EPHA6: variants seen among roughly 807,000 people sequenced by gnomAD.
EPHA6 encodes EPH receptor A6.
EPHA6 carries 50 observed loss-of-function variants against 112.0 expected under a neutral mutation model. That is an observed-to-expected ratio of 0.45 (90% CI 0.36 to 0.56). EPHA6 has a LOEUF of 0.56. Among genes scored for constraint, EPHA6 ranks in the 20% least tolerant of loss-of-function variants. The pLI is 0.00. For synonymous variants in EPHA6, 529 were observed against 490.7 expected (o/e 1.08, Z -1.03); for missense variants, 1,280 against 1,417.4 (o/e 0.90, Z 1.56).
At chr3:96,819,406 C>G (rs1028339533) in intron 1 of EPHA6, among the ~76,000 whole-genome samples, 3 of 152,000 alleles carry the variant, frequency 2.0e-5, no homozygotes, top group Admixed American at 2.0e-4. Context: ...CTCTACCAAC[C>G]CTTTTTCCCT....
At chr3:97,333,455 CTG>C (rs2082899736) in intron 5 of EPHA6, among the ~76,000 whole-genome samples, 1 of 135,918 alleles carries the variant, frequency 7.4e-6, no homozygotes, top group Non-Finnish European at 1.6e-5. Flanking sequence ...CCTTTACACT[CTG>C]TATGGCTTTT....
chr3:97,090,095 C>T (rs1159012377), intron 3 of EPHA6, among the ~76,000 whole-genome samples: 1 of 151,770 alleles, frequency 6.6e-6, no homozygotes, highest in African/African-American at 2.4e-5. Flanking sequence ...CATATCATAT[C>T]GAGGGCCTTT....
At chr3:97,228,200 G>A (rs1413182647) in intron 4 of EPHA6, among the ~76,000 whole-genome samples, 1 of 152,092 alleles carries the variant, frequency 6.6e-6, no homozygotes, top group Non-Finnish European at 1.5e-5. Context: ...TTGGGGAACA[G>A]GTGGTGTTTG....
At chr3:97,284,467 CTG>C (rs1318783286) in intron 5 of EPHA6, among the ~76,000 whole-genome samples, 3 of 152,068 alleles carry the variant, frequency 2.0e-5, no homozygotes, top group African/African-American at 7.2e-5. Context: ...TTTCATTTAC[CTG>C]TGAGTCCGAG....
At chr3:97,388,652 T>C (rs1378977365) in intron 5 of EPHA6, among the ~76,000 whole-genome samples, 3 of 152,156 alleles carry the variant, frequency 2.0e-5, no homozygotes, top group Non-Finnish European at 2.9e-5. Context: ...TGGGAGGCAA[T>C]CTTCCTCGGC....
rs10559270 is a variant in EPHA6, at chr3:97,754,084, C to CTT, written c.*5403_*5404dup. 8.1e-4 allele frequency among the ~76,000 whole-genome samples: 83 copies of CTT among 102,048 alleles called. No individual in the cohort carries two copies. Among genetic ancestry groups the CTT allele is most frequent in the South Asian group, 1.1e-3 (3 of 2,798 alleles). 66.9% of individuals were successfully genotyped at this position (102,048 alleles called of 152,430 possible). On this transcript the variant is annotated 3_prime_UTR_variant, in exon 18 of 18. Coordinates refer to ENST00000389672, the MANE Select transcript of EPHA6 (RefSeq NM_001080448.3). Reference sequence around the variant, plus strand: ...AATGTATAAAAAATAACATTTATATCTTTTTTTTTTTTTTTTTTTTTGAGA... The same window carrying CTT: ...AATGTATAAAAAATAACATTTATATCTTTTTTTTTTTTTTTTTTTTTTTGAGA...
At chr3:97,031,489 C>T (rs1275522918) in intron 3 of EPHA6, among the ~76,000 whole-genome samples, 3 of 151,888 alleles carry the variant, frequency 2.0e-5, no homozygotes, top group African/African-American at 7.3e-5. Context: ...CAAAAGAAAC[C>T]ACCATCAGAG....
At chr3:96,887,195 T>C (rs2037679051) in intron 2 of EPHA6, among the ~76,000 whole-genome samples, 2 of 152,178 alleles carry the variant, frequency 1.3e-5, no homozygotes, top group Non-Finnish European at 2.9e-5. Context: ...GTTGGTTTTC[T>C]GGTTCCTTCT....
At chr3:97,111,519 CTGGG>C (rs1161682425) in intron 3 of EPHA6, among the ~76,000 whole-genome samples, 1 of 152,052 alleles carries the variant, frequency 6.6e-6, no homozygotes, top group African/African-American at 2.4e-5. Flanking sequence ...AAAACAGCTT[CTGGG>C]TGGGCAGGTC....
At chr3:97,129,615 G>A (rs1052527356) in intron 3 of EPHA6, among the ~76,000 whole-genome samples, 3 of 152,164 alleles carry the variant, frequency 2.0e-5, no homozygotes, top group South Asian at 4.1e-4. Context: ...TCTTAAAACA[G>A]TAAGGCACTT....
intron 3 of EPHA6, among the ~76,000 whole-genome samples, chr3:97,209,849 A>G (rs1323553448): frequency 6.6e-6 from 1 of 152,172 alleles, no homozygotes; most frequent in Non-Finnish European, 1.5e-5. Flanking sequence ...CAAAATGTTC[A>G]AATCACACAT....
At chr3:97,445,996 A>G (rs1260068609) in intron 6 of EPHA6, among the ~76,000 whole-genome samples, 1 of 152,198 alleles carries the variant, frequency 6.6e-6, no homozygotes, top group Non-Finnish European at 1.5e-5. Context: ...GGATGAAGAA[A>G]ACATCTCAAT....
intron 2 of EPHA6, among the ~76,000 whole-genome samples, chr3:96,868,117 AGAAAT>A (rs1382156893): frequency 1.1e-4 from 16 of 151,568 alleles, no homozygotes; most frequent in African/African-American, 3.9e-4. Flanking sequence ...TTTACTTTTA[AGAAAT>A]GAATGAAACT....
chr3:97,746,099 T>A (rs1180810565), intron 16 of EPHA6, among the ~76,000 whole-genome samples: 1 of 151,908 alleles, frequency 6.6e-6, no homozygotes, highest in African/African-American at 2.4e-5. Flanking sequence ...TCTATGGCTC[T>A]AATTGTCTTT....
chr3:97,734,156 T>A (rs1206045321), intron 15 of EPHA6, among the ~76,000 whole-genome samples: 1 of 152,080 alleles, frequency 6.6e-6, no homozygotes, highest in African/African-American at 2.4e-5. Flanking sequence ...TGGTAGATAA[T>A]AAAGGAAGCT....
rs2036081980 is a variant in EPHA6, at chr3:97,758,648, A to G, written c.*9947A>G. Among the ~76,000 whole-genome samples the G allele has an allele frequency of 1.3e-5, 2 of 151,964 alleles. No individual in the cohort carries two copies. Among genetic ancestry groups the G allele is most frequent in the Non-Finnish European group, 2.9e-5 (2 of 67,888 alleles). ...TAGTGATGTGCTGTGCTTATAATTA[A>G]AAATGTTACATAGCATGACTGTGGC... On this transcript the variant is annotated 3_prime_UTR_variant, in exon 18 of 18. Coordinates refer to ENST00000389672, the MANE Select transcript of EPHA6 (RefSeq NM_001080448.3).
At chr3:97,242,320 C>T (rs2078870922) in intron 4 of EPHA6, among the ~76,000 whole-genome samples, 1 of 151,722 alleles carries the variant, frequency 6.6e-6, no homozygotes, top group Non-Finnish European at 1.5e-5. Context: ...TCTGCCAGTT[C>T]CATGGTTATT....
rs2032636291 is a variant in EPHA6, at chr3:96,814,901, G to A, written c.278G>A (p.Arg93Lys). The A allele has an allele frequency of 6.4e-7, 1 of 1,553,528 alleles. No individual in the cohort carries two copies. Among genetic ancestry groups the A allele is most frequent in the Admixed American group, 2.0e-5 (1 of 51,086 alleles). Residue 93 changes from arginine to lysine, a missense_variant, in exon 1 of 18, where the codon AGA (arginine) becomes AAA (lysine). By Grantham distance (26) the Arg-to-Lys change is conservative. Coordinates refer to ENST00000389672, the MANE Select transcript of EPHA6 (RefSeq NM_001080448.3). ...SLRERKREPR[R>K]TMGGCEVREF... Reference sequence around the variant, plus strand: ...AGGGAGAGGAAAAGAGAGCCTAGGAGAACCATGGGGGGCTGCGAAGTCCGG... The same window carrying A: ...AGGGAGAGGAAAAGAGAGCCTAGGAAAACCATGGGGGGCTGCGAAGTCCGG...
At chr3:96,943,145 T>A (rs2041068339) in intron 2 of EPHA6, among the ~76,000 whole-genome samples, 1 of 152,210 alleles carries the variant, frequency 6.6e-6, no homozygotes, top group African/African-American at 2.4e-5. Context: ...TTCATCCGTG[T>A]TGCAGCAAAT....
Sources: allele counts gnomAD v4.1 joint callset (sites outside exome capture counted in the v4.1 genomes callset), GRCh38; gene constraint gnomAD v4.1.1; transcripts MANE v1.5; gene names NCBI Gene and HGNC (gene_info 2026-07-23, HGNC 2026-07-21).